TMEM117: variants seen among roughly 807,000 people sequenced by gnomAD.
The protein encoded by TMEM117 is transmembrane protein 117.
In TMEM117, 27 loss-of-function variants were observed where a neutral mutation model predicts 52.4. The ratio of observed to expected loss-of-function variants is 0.51; its 90% CI spans 0.38 to 0.71. The LOEUF (loss-of-function observed/expected upper bound fraction) is 0.71, where lower values mean the gene tolerates loss of function less well. TMEM117 is among the 30% of genes least tolerant of loss of function. TMEM117 has a pLI of 0.00. For synonymous variants in TMEM117, 215 were observed against 206.3 expected (o/e 1.04, Z -0.36); for missense variants, 556 against 630.5 (o/e 0.88, Z 1.26).
intron 1 of TMEM117, among the ~76,000 whole-genome samples, chr12:43,842,459 T>C (rs988680198): frequency 1.2e-5 from 1 of 85,568 alleles, no homozygotes; most frequent in Non-Finnish European, 2.1e-5. Flanking sequence ...TTGCCAATGT[T>C]TATATTGCCA....
intron 3 of TMEM117, among the ~76,000 whole-genome samples, chr12:44,122,982 C>T (rs1053713266): frequency 3.3e-5 from 5 of 152,182 alleles, no homozygotes; most frequent in Non-Finnish European, 5.9e-5. Flanking sequence ...TGAGGAATTG[C>T]CACATTGTCT....
intron 5 of TMEM117, among the ~76,000 whole-genome samples, chr12:44,233,134 GT>G (rs1949953393): frequency 6.6e-6 from 1 of 150,842 alleles, no homozygotes; most frequent in African/African-American, 2.4e-5. Flanking sequence ...CCTTATTGTG[GT>G]GGTTAAAACC....
intron 4 of TMEM117, among the ~76,000 whole-genome samples, chr12:44,178,964 C>T (rs914772591): frequency 3.3e-5 from 5 of 152,046 alleles, no homozygotes; most frequent in Admixed American, 6.6e-5. Flanking sequence ...AAGGCCAAGG[C>T]GGGCGGATCA....
At chr12:43,907,114 G>A (rs943330417) in intron 2 of TMEM117, among the ~76,000 whole-genome samples, 9 of 152,290 alleles carry the variant, frequency 5.9e-5, no homozygotes, top group African/African-American at 2.2e-4. Flanking sequence ...GCTTTGAAGA[G>A]AGCAGTGGTT....
At chr12:44,009,955 G>T in intron 3 of TMEM117, 1 of 289,496 alleles carries the variant, frequency 3.5e-6, no homozygotes. Context: ...ATAGCCTCTG[G>T]CGTTCCAGTT....
At chr12:43,953,110 C>T (rs983108714) in intron 3 of TMEM117, among the ~76,000 whole-genome samples, 1 of 152,084 alleles carries the variant, frequency 6.6e-6, no homozygotes. Context: ...ATTTTGTCAT[C>T]ACCAGGCCTG....
chr12:44,326,060 G>A (rs1178593752), intron 6 of TMEM117, among the ~76,000 whole-genome samples: 1 of 152,142 alleles, frequency 6.6e-6, no homozygotes, highest in Non-Finnish European at 1.5e-5. Context: ...CTCCTCCAGA[G>A]GCTGAGGTGG....
In TMEM117 at chr12:44,260,315, G is replaced by A. The variant is rs143271671; in HGVS notation, c.609-39265G>A. On this transcript the variant is annotated intron_variant, in intron 5 of 7. Transcript: ENST00000266534. ...CTTGTGATTTTTTGACTTGCCCTCT[G>A]GCTAAGTGGAGTCTAAACCTTTCCT... is the stretch of plus-strand genomic sequence containing the variant. Among the ~76,000 whole-genome samples, 1,262 of 152,278 alleles carry A rather than the reference G, an allele frequency of 8.3e-3. 13 individuals carry two copies. Among genetic ancestry groups the A allele is most frequent in the African/African-American group, 0.029 (1,202 of 41,558 alleles).
intron 4 of TMEM117, among the ~76,000 whole-genome samples, chr12:44,196,725 A>G (rs543437227): frequency 1.3e-5 from 2 of 152,344 alleles, no homozygotes; most frequent in African/African-American, 2.4e-5. Context: ...GTTTTCTATT[A>G]TGAATATCAC....
intron 3 of TMEM117, among the ~76,000 whole-genome samples, chr12:43,962,002 T>C (rs1237204874): frequency 6.6e-6 from 1 of 152,222 alleles, no homozygotes; most frequent in African/African-American, 2.4e-5. Flanking sequence ...ATAGTTATTC[T>C]TGAGGAATTG....
chr12:43,807,675 A>G, the TMEM117 span, among the ~76,000 whole-genome samples: 1 of 152,190 alleles, frequency 6.6e-6, no homozygotes, highest in Non-Finnish European at 1.5e-5. Context: ...ATCCTTCCAT[A>G]TTCGTGCTTG....
chr12:43,839,081 A>T lies in TMEM117; in HGVS notation c.-29+2885A>T, dbSNP rs1412656449. On this transcript the variant is annotated intron_variant, in intron 1 of 7. Coordinates refer to ENST00000266534, the MANE Select transcript of TMEM117 (RefSeq NM_032256.3). ...TCACATCTACATCCAATGTATTAGTAAATTTTATTAGTTATTTTTGAATGT... is the reference window on the plus strand; with the variant it reads ...TCACATCTACATCCAATGTATTAGTTAATTTTATTAGTTATTTTTGAATGT... Among the ~76,000 whole-genome samples, 3 of 152,112 alleles carry T rather than the reference A, an allele frequency of 2.0e-5. No individual in the cohort carries two copies. In the East Asian group the frequency reaches 5.8e-4, roughly 29 times the overall value.
chr12:43,812,793 G>A, the TMEM117 span, among the ~76,000 whole-genome samples: 1 of 150,520 alleles, frequency 6.6e-6, no homozygotes, highest in Non-Finnish European at 1.5e-5. Context: ...TTACTTGAGG[G>A]AAGGAGTTCG....
intron 3 of TMEM117, among the ~76,000 whole-genome samples, chr12:44,125,136 G>T (rs537359522): frequency 5.3e-4 from 80 of 151,978 alleles, no homozygotes; most frequent in Non-Finnish European, 5.2e-4. Context: ...ACGGAGTCTT[G>T]CTCTTTCGCC....
At chr12:43,804,373 C>T in the TMEM117 span, 20 of 671,578 alleles carry the variant, frequency 3.0e-5, no homozygotes, top group East Asian at 1.8e-4. Flanking sequence ...TCCAAGTTAC[C>T]GTAAGATTTG....
At chr12:44,378,156 A>G (rs892408799) in intron 7 of TMEM117, among the ~76,000 whole-genome samples, 1 of 152,170 alleles carries the variant, frequency 6.6e-6, no homozygotes, top group African/African-American at 2.4e-5. Context: ...CTCTTGTCCC[A>G]GGCCATCATT....
At chr12:44,222,951 G>A (rs544847411) in intron 5 of TMEM117, among the ~76,000 whole-genome samples, 9 of 151,272 alleles carry the variant, frequency 5.9e-5, no homozygotes, top group Admixed American at 3.3e-4. Context: ...GGAAGGTGTT[G>A]AAACTATTTA....
downstream of TMEM117, among the ~76,000 whole-genome samples, chr12:44,391,536 T>G (rs1002030966): frequency 6.6e-6 from 1 of 152,040 alleles, no homozygotes; most frequent in African/African-American, 2.4e-5. Context: ...GACAGTACAG[T>G]GGAAAGAAGT....
At position 44,349,748 on chromosome 12, in the gene TMEM117, T is replaced by C. The variant is rs1187635673; in HGVS notation, c.769-26847T>C. ...CCTTATGGAATAGAAAGTCATTCAT[T>C]CATCATTCACTCACTTATTCATTCC... On this transcript the variant is annotated intron_variant, in intron 6 of 7. Transcript: ENST00000266534. Among the ~76,000 whole-genome samples, 4 of 152,078 alleles carry C rather than the reference T, an allele frequency of 2.6e-5. 1 individual carries two copies. The highest frequency in any genetic ancestry group is 2.0e-4 in the Admixed American group (3 of 15,244).
Sources: gnomAD v4.1 joint callset for allele counts (sites outside exome capture counted in the v4.1 genomes callset) on GRCh38, gnomAD v4.1.1 for gene constraint, MANE v1.5 for transcripts, NCBI Gene and HGNC (gene_info 2026-07-23, HGNC 2026-07-21) for gene names.